Variants in TNFRSF19 observed in about 807,000 individuals in gnomAD.
TNFRSF19 encodes the protein TNF receptor superfamily member 19.
Under a neutral mutation model 46.4 loss-of-function variants are expected in TNFRSF19, and 27 were observed. The ratio of observed to expected loss-of-function variants is 0.58; its 90% CI spans 0.43 to 0.80. TNFRSF19 has a LOEUF of 0.80. Ranked by LOEUF, TNFRSF19 falls within the 30% of genes least tolerant of loss-of-function variation. The pLI, the probability that TNFRSF19 is intolerant of heterozygous loss-of-function variation, is 0.00. For missense variants in TNFRSF19, 511 were observed against 530.8 expected, an observed-to-expected ratio of 0.96 and a Z score of 0.37; for synonymous variants, 204 against 205.0, an observed-to-expected ratio of 1.00 and a Z score of 0.04.
intron 1 of TNFRSF19, among the ~76,000 whole-genome samples, chr13:23,584,653 A>G (rs941979462): frequency 6.6e-6 from 1 of 151,580 alleles, no homozygotes; most frequent in Non-Finnish European, 1.5e-5. Context: ...AAAGCAGCCT[A>G]ATAGAGGCCC....
chr13:23,673,111 A>G lies in TNFRSF19; in HGVS notation c.1246-261A>G, dbSNP rs113753384. ...TTGTTGTTAATACATTATGATTGCT[A>G]TGGGTTACGGTATCATCTTTTAAGT... On this transcript the variant is annotated intron_variant, in intron 9 of 9. Transcript: ENST00000248484. 7.8e-3 allele frequency among the ~76,000 whole-genome samples: 1,185 copies of G among 152,328 alleles called. 22 individuals are homozygous for G. Among genetic ancestry groups the G allele is most frequent in the African/African-American group, 0.027 (1,118 of 41,578 alleles).
chr13:23,612,634 A>T (rs765034413), intron 3 of TNFRSF19, among the ~76,000 whole-genome samples: 5 of 152,242 alleles, frequency 3.3e-5, no homozygotes, highest in Non-Finnish European at 7.3e-5. Context: ...TTTCAAATTA[A>T]TATTAGGCTT....
intron 3 of TNFRSF19, among the ~76,000 whole-genome samples, chr13:23,612,546 T>G (rs1880977892): frequency 6.6e-6 from 1 of 152,240 alleles, no homozygotes. Context: ...TTTCATGGTT[T>G]CTAGTTAATT....
At position 23,633,884 on chromosome 13, in the gene TNFRSF19, A is replaced by C. The variant is rs78359147; in HGVS notation, c.445+7092A>C. 7.5e-3 allele frequency among the ~76,000 whole-genome samples: 1,149 copies of C among 152,296 alleles called. 9 individuals carry two copies. The highest frequency in any genetic ancestry group is 0.026 in the African/African-American group (1,076 of 41,562). The stretch of plus-strand genomic sequence containing the variant: ...GATAAAATAAAATAAAAAATAAAAC[A>C]AAACAAGAAACAATAGCTGAGCAGT... On this transcript the variant is annotated intron_variant, in intron 5 of 9. Coordinates refer to ENST00000248484, the MANE Select transcript of TNFRSF19 (RefSeq NM_148957.4).
chr13:23,595,675 G>T (rs1365110076), intron 3 of TNFRSF19, among the ~76,000 whole-genome samples: 6 of 152,140 alleles, frequency 3.9e-5, no homozygotes, highest in Non-Finnish European at 2.9e-5. Flanking sequence ...AACCAAGTTG[G>T]AAAACACTCT....
chr13:23,656,194 G>A (rs1404646037), intron 5 of TNFRSF19, among the ~76,000 whole-genome samples: 2 of 152,080 alleles, frequency 1.3e-5, no homozygotes, highest in East Asian at 3.8e-4. Context: ...TGTGGAGAAG[G>A]GGCATATTGG....
At chr13:23,585,726 T>C (rs1878777520) in intron 1 of TNFRSF19, among the ~76,000 whole-genome samples, 1 of 152,078 alleles carries the variant, frequency 6.6e-6, no homozygotes, top group Non-Finnish European at 1.5e-5. Context: ...TCTTATTTGA[T>C]TGGTGGTCAA....
At chr13:23,590,376 T>C (rs7318172) in intron 2 of TNFRSF19, 124 bp downstream of exon 2, 129,221 of 562,470 alleles carry the variant, frequency 0.23, 16,314 homozygotes, top group African/African-American at 0.37. Flanking sequence ...GCTCTTTTGC[T>C]CAGGCTGGAG....
chr13:23,582,642 A>G (rs988139617), intron 1 of TNFRSF19, among the ~76,000 whole-genome samples: 1 of 152,220 alleles, frequency 6.6e-6, no homozygotes, highest in African/African-American at 2.4e-5. Flanking sequence ...CTGCCAACAC[A>G]ATCCTGATGG....
chr13:23,619,496 C>CA (rs1280571840), intron 4 of TNFRSF19, among the ~76,000 whole-genome samples: 3 of 151,652 alleles, frequency 2.0e-5, no homozygotes, highest in Non-Finnish European at 1.5e-5. Flanking sequence ...GAAAACCATC[C>CA]AATTGTACAC....
intron 1 of TNFRSF19, among the ~76,000 whole-genome samples, chr13:23,583,333 C>T (rs949831628): frequency 9.9e-5 from 15 of 151,968 alleles, no homozygotes; most frequent in African/African-American, 3.6e-4. Context: ...GATAAAGTAA[C>T]CCTCTAGGTG....
chr13:23,615,132 A>G (rs1009078327), intron 3 of TNFRSF19, among the ~76,000 whole-genome samples: 1 of 152,062 alleles, frequency 6.6e-6, no homozygotes, highest in Non-Finnish European at 1.5e-5. Flanking sequence ...TTATAGTTGC[A>G]TTATAATTAT....
intron 3 of TNFRSF19, among the ~76,000 whole-genome samples, chr13:23,610,905 T>A (rs912561184): frequency 2.6e-5 from 4 of 152,176 alleles, no homozygotes; most frequent in Non-Finnish European, 5.9e-5. Context: ...GGGGAAGTAC[T>A]GCGTACTTCC....
At chr13:23,616,537 A>G (rs1295677138) in intron 4 of TNFRSF19, among the ~76,000 whole-genome samples, 2 of 151,946 alleles carry the variant, frequency 1.3e-5, no homozygotes, top group Non-Finnish European at 2.9e-5. Flanking sequence ...ATCCCTGCCC[A>G]TGGGGAGCTT....
rs966381552 is a variant in TNFRSF19 at position 23,657,732 on chromosome 13, C to T, written c.446-1318C>T. ...TTCTTGAGACAGAGTCTCGCTCTGT[C>T]GTCCAGGCTGGAGCGCAGTGGTGCG... On this transcript the variant is annotated intron_variant, in intron 5 of 9. Transcript: ENST00000248484. 2.6e-5 allele frequency among the ~76,000 whole-genome samples: 4 copies of T among 152,186 alleles called. No individual in the cohort carries two copies. In the East Asian group the frequency reaches 7.7e-4, roughly 29 times the overall value.
intron 1 of TNFRSF19, among the ~76,000 whole-genome samples, chr13:23,589,012 C>T (rs745732429): frequency 2.5e-4 from 38 of 152,226 alleles, no homozygotes; most frequent in Non-Finnish European, 4.1e-4. Context: ...GCAGCTCTGC[C>T]CCCTCTGCCT....
intron 2 of TNFRSF19, among the ~76,000 whole-genome samples, chr13:23,590,791 C>T (rs1879220318): frequency 6.6e-6 from 1 of 152,174 alleles, no homozygotes; most frequent in Non-Finnish European, 1.5e-5. Flanking sequence ...TAGGTGAAGT[C>T]ATAAAATTGC....
At chr13:23,576,041 TAATGATATGC>T (rs1453473464) in intron 1 of TNFRSF19, among the ~76,000 whole-genome samples, 1 of 152,194 alleles carries the variant, frequency 6.6e-6, no homozygotes, top group Non-Finnish European at 1.5e-5. Context: ...TTTAACCCAT[TAATGATATGC>T]AGTGTTTTAA....
At chr13:23,601,021 G>A (rs965036625) in intron 3 of TNFRSF19, among the ~76,000 whole-genome samples, 1 of 152,164 alleles carries the variant, frequency 6.6e-6, no homozygotes, top group Admixed American at 6.5e-5. Flanking sequence ...TATGCTAATA[G>A]CATTAATCAT....
Sources: allele counts gnomAD v4.1 joint callset (sites outside exome capture counted in the v4.1 genomes callset), GRCh38; gene constraint gnomAD v4.1.1; transcripts MANE v1.5; gene names NCBI Gene and HGNC (gene_info 2026-07-23, HGNC 2026-07-21).